The following MOB3A variants were observed in gnomAD, a reference collection of about 807,000 sequenced individuals.
The protein encoded by MOB3A is MOB LAK.
A neutral mutation model predicts 17.8 loss-of-function variants in MOB3A; 17 were observed. The ratio of observed to expected loss-of-function variants is 0.95; its 90% CI spans 0.65 to 1.43. The LOEUF (loss-of-function observed/expected upper bound fraction) is 1.43. Among genes scored for constraint, MOB3A ranks in the 40% most tolerant of loss-of-function variants. The probability of loss-of-function intolerance (pLI) is 0.00; values close to 1 mark genes in which losing one functional copy is unlikely to be tolerated. For missense variants in MOB3A, 333 were observed against 310.8 expected, an observed-to-expected ratio of 1.07 and a Z score of -0.54; for synonymous variants, 124 against 133.2, an observed-to-expected ratio of 0.93 and a Z score of 0.48.
intron 1 of MOB3A, among the ~76,000 whole-genome samples, chr19:2,092,832 A>G (rs749775514): frequency 2.6e-5 from 4 of 151,886 alleles, no homozygotes; most frequent in South Asian, 4.2e-4. Flanking sequence ...AAAGTCTGAA[A>G]GAAAACCCAA....
intron 4 of MOB3A, 113 bp from the exon 5 acceptor site, chr19:2,073,537 T>C: frequency 7.0e-7 from 1 of 1,418,652 alleles, no homozygotes; most frequent in South Asian, 1.1e-5. Context: ...GGGGCTTCCC[T>C]GAACACCCAA....
At chr19:2,088,752 G>C (rs1270917536) in intron 1 of MOB3A, among the ~76,000 whole-genome samples, 1 of 152,108 alleles carries the variant, frequency 6.6e-6, no homozygotes, top group Non-Finnish European at 1.5e-5. Flanking sequence ...ACAGGCATGA[G>C]CCACCACACC....
intron 2 of MOB3A, among the ~76,000 whole-genome samples, chr19:2,081,378 G>C (rs973187056): frequency 6.6e-6 from 1 of 151,604 alleles, no homozygotes; most frequent in Non-Finnish European, 1.5e-5. Context: ...ACCTGAGGTC[G>C]GGAATTCGAG....
intron 1 of MOB3A, among the ~76,000 whole-genome samples, chr19:2,087,812 AC>A (rs1222700576): frequency 6.6e-6 from 1 of 152,224 alleles, no homozygotes; most frequent in Non-Finnish European, 1.5e-5. Context: ...GCCCCAAGCT[AC>A]CATCCCAACC....
chr19:2,081,860 G>A (rs2144925749), intron 2 of MOB3A, among the ~76,000 whole-genome samples: 1 of 152,334 alleles, frequency 6.6e-6, no homozygotes, highest in East Asian at 1.9e-4. Context: ...CTCCAGCCTG[G>A]GTGAGAGAGC....
chr19:2,077,652 G>A (rs1262321877), intron 3 of MOB3A, among the ~76,000 whole-genome samples: 2 of 152,052 alleles, frequency 1.3e-5, no homozygotes, highest in Non-Finnish European at 2.9e-5. Context: ...TCTCCTCTGC[G>A]AAGGACTCCA....
intron 3 of MOB3A, 113 bp from the exon 4 acceptor site, chr19:2,077,126 C>G (rs62128368): frequency 8.6e-6 from 8 of 926,304 alleles, no homozygotes; most frequent in Non-Finnish European, 1.3e-5. Context: ...GCAGATCGGG[C>G]GCGGTGGCTG....
intron 1 of MOB3A, among the ~76,000 whole-genome samples, chr19:2,088,497 C>T (rs537573893): frequency 7.9e-5 from 12 of 151,770 alleles, no homozygotes; most frequent in Non-Finnish European, 1.6e-4. Flanking sequence ...AGATGGGGTC[C>T]CGCTGTGTTG....
In MOB3A at chr19:2,078,616, G is replaced by T; in HGVS notation, c.-56C>A. ...TAGAGGGGTCCTGGGCCAGCTGGCT[G>T]GGGGTGCTGACCAACCCGAGAGGCC... On this transcript the variant is annotated 5_prime_UTR_variant, in exon 3 of 5. Transcript: ENST00000357066. 6.6e-7 allele frequency: 1 copy of T among 1,509,052 alleles called. No homozygotes were observed. The highest frequency in any genetic ancestry group is 1.3e-5 in the South Asian group (1 of 74,930). 93.5% of individuals were successfully genotyped at this position (1,509,052 alleles called of 1,614,324 possible). A position where few individuals can be genotyped will look rare whatever the true frequency, so the allele number is the denominator to read the frequency against.
intron 4 of MOB3A, 64 bp downstream of exon 4, chr19:2,076,747 G>T: frequency 6.5e-7 from 1 of 1,549,150 alleles, no homozygotes. Flanking sequence ...CCCCGGAAGG[G>T]TTCCTCTGCC....
At position 2,078,576 on chromosome 19, in the gene MOB3A, T is replaced by G; in HGVS notation, c.-16A>C. The G allele has an allele frequency of 3.2e-6, 5 of 1,549,528 alleles. No homozygotes were observed. The highest frequency in any genetic ancestry group is 4.4e-6 in the Non-Finnish European group (5 of 1,144,440). ...GGTTGGACATCTTGGTGACGCCTGC[T>G]CTCCTGGACTTCTGTAGAGGGGTCC... On this transcript the variant is annotated 5_prime_UTR_variant, in exon 3 of 5. Coordinates refer to ENST00000357066, the MANE Select transcript of MOB3A (RefSeq NM_130807.3).
chr19:2,090,267 T>A (rs559295468), intron 1 of MOB3A: 1 of 152,404 alleles, frequency 6.6e-6, no homozygotes, highest in Non-Finnish European at 1.5e-5. Context: ...CGGTGGGAAT[T>A]GTCTGTGCTT....
intron 1 of MOB3A, among the ~76,000 whole-genome samples, chr19:2,091,762 G>A (rs1396296777): frequency 6.6e-6 from 1 of 150,376 alleles, no homozygotes; most frequent in Non-Finnish European, 1.5e-5. Flanking sequence ...ACTTTGGGAG[G>A]CCAAGGCAGG....
chr19:2,089,885 C>T (rs1468766388), intron 1 of MOB3A, among the ~76,000 whole-genome samples: 1 of 152,002 alleles, frequency 6.6e-6, no homozygotes, highest in Admixed American at 6.5e-5. Context: ...CTGGCCTCCA[C>T]CCACTCCATG....
intron 1 of MOB3A, among the ~76,000 whole-genome samples, chr19:2,091,954 G>A (rs1450022798): frequency 6.7e-6 from 1 of 150,004 alleles, no homozygotes; most frequent in Admixed American, 6.6e-5. Context: ...CCGAGATTGT[G>A]CCACTGCACT....
intron 2 of MOB3A, 24 bp downstream of exon 2, chr19:2,085,128 ACCCTGACTCCCGCCCTCGTTGTC>A (rs2017537140): frequency 6.6e-6 from 1 of 152,050 alleles, no homozygotes; most frequent in Non-Finnish European, 1.5e-5. Flanking sequence ...TGGCCTCGGG[ACCCTGACTCCCGCCCTCGTTGTC>A]CCCTGAGGCC....
chr19:2,082,507 G>A lies in MOB3A; in HGVS notation c.-120+2668C>T, dbSNP rs542283961. Among the ~76,000 whole-genome samples, 5 of 152,288 alleles carry A rather than the reference G, an allele frequency of 3.3e-5. No individual in the cohort carries two copies. Among genetic ancestry groups the A allele is most frequent in the East Asian group, 3.9e-4 (2 of 5,186 alleles). On this transcript the variant is annotated intron_variant, in intron 2 of 4. Transcript: ENST00000357066. This position sits in a 1 kb window ranked among gnomAD's most constrained non-coding sequence, Gnocchi z 4.1. ...ACGCCACAGAGCTAGTGGGTGGATC[G>A]GCTGGGGCTCGAACCCTGGACTCTG...
Position 2,073,047 on chromosome 19 carries a change from C to T in MOB3A, c.*348G>A, listed in dbSNP as rs375605317. ...CCCAGCGAGGTGGAGGCAGAAGTTC[C>T]AGGAGCCTGGGAGCCACCCAGGGCA... On this transcript the variant is annotated 3_prime_UTR_variant, in exon 5 of 5. Coordinates refer to ENST00000357066, the MANE Select transcript of MOB3A (RefSeq NM_130807.3). The T allele has an allele frequency of 3.6e-5, 12 of 332,102 alleles. No homozygotes were observed. The highest frequency in any genetic ancestry group is 1.7e-4 in the African/African-American group (8 of 46,942). 20.6% of individuals were successfully genotyped at this position (332,102 alleles called of 1,614,324 possible). A position where few individuals can be genotyped will look rare whatever the true frequency, so the allele number is the denominator to read the frequency against.
At chr19:2,088,628 A>G (rs1042964482) in intron 1 of MOB3A, among the ~76,000 whole-genome samples, 2 of 152,034 alleles carry the variant, frequency 1.3e-5, no homozygotes, top group Admixed American at 1.3e-4. Context: ...CACCACACCC[A>G]GCTAATTTTT....
Sources: gnomAD v4.1 joint callset for allele counts (sites outside exome capture counted in the v4.1 genomes callset) on GRCh38, gnomAD v4.1.1 for gene constraint, Gnocchi (gnomAD v3.1) non-coding constraint, MANE v1.5 for transcripts, NCBI Gene and HGNC (gene_info 2026-07-23, HGNC 2026-07-21) for gene names.